Variants in MARCHF1 observed in about 807,000 individuals in gnomAD.
The protein encoded by MARCHF1 is membrane associated ring-CH-type finger 1, also known as E3 ubiquitin-protein ligase MARCHF1.
A neutral mutation model predicts 54.2 loss-of-function variants in MARCHF1; 40 were observed. The ratio of observed to expected loss-of-function variants is 0.74; its 90% confidence interval spans 0.57 to 0.96. The LOEUF is 0.96. Ranked by LOEUF, MARCHF1 falls within the 40% of genes least tolerant of loss-of-function variation. MARCHF1 has a pLI of 0.00. For synonymous variants in MARCHF1, 236 were observed against 236.3 expected, an observed-to-expected ratio of 1.00 and a Z score of 0.01; for missense variants, 586 against 656.5, an observed-to-expected ratio of 0.89 and a Z score of 1.17.
At chr4:163,726,551 A>G (rs1363955249) in intron 4 of MARCHF1, among the ~76,000 whole-genome samples, 1 of 152,198 alleles carries the variant, frequency 6.6e-6, no homozygotes, top group Non-Finnish European at 1.5e-5. Context: ...GCAGTTATGA[A>G]CAAAGCTGCT....
At chr4:164,145,239 A>G (rs1209851179) in intron 1 of MARCHF1, among the ~76,000 whole-genome samples, 3 of 152,206 alleles carry the variant, frequency 2.0e-5, no homozygotes, top group Non-Finnish European at 2.9e-5. Context: ...ATTTTACCAG[A>G]GGTAAAAGGA....
At chr4:163,791,076 A>G (rs1486505534) in intron 4 of MARCHF1, among the ~76,000 whole-genome samples, 3 of 152,112 alleles carry the variant, frequency 2.0e-5, no homozygotes, top group African/African-American at 4.8e-5. Context: ...GAATGTAAAA[A>G]CCATAGCACC....
At chr4:164,244,107 C>A (rs1732865165) in intron 1 of MARCHF1, among the ~76,000 whole-genome samples, 1 of 151,966 alleles carries the variant, frequency 6.6e-6, no homozygotes. Context: ...CCAAGCGGAC[C>A]TGATAGACAT....
chr4:164,158,154 G>C (rs1730127363), intron 1 of MARCHF1, among the ~76,000 whole-genome samples: 1 of 152,088 alleles, frequency 6.6e-6, no homozygotes, highest in Admixed American at 6.6e-5. Flanking sequence ...TGTTTAATCA[G>C]TGGCATACTT....
At chr4:163,971,188 C>G (rs927216046) in intron 3 of MARCHF1, among the ~76,000 whole-genome samples, 1 of 152,042 alleles carries the variant, frequency 6.6e-6, no homozygotes. Flanking sequence ...AGATAGTGAT[C>G]CATATTAATG....
chr4:163,782,447 G>C (rs1747491792), intron 4 of MARCHF1, among the ~76,000 whole-genome samples: 2 of 152,000 alleles, frequency 1.3e-5, no homozygotes, highest in Admixed American at 6.5e-5. Context: ...GAGGTGGGTG[G>C]ATCACTTGAG....
chr4:163,913,101 G>A (rs55817558), intron 3 of MARCHF1, among the ~76,000 whole-genome samples: 13,002 of 152,108 alleles, frequency 0.085, 1,278 homozygotes, highest in African/African-American at 0.23. Context: ...AAAGTGTAAG[G>A]CCTTTTTAAA....
intron 3 of MARCHF1, among the ~76,000 whole-genome samples, chr4:163,974,067 T>C (rs1221621817): frequency 6.6e-6 from 1 of 152,208 alleles, no homozygotes; most frequent in Non-Finnish European, 1.5e-5. Flanking sequence ...GTGCCCTAAA[T>C]TCCTGAGTTG....
At chr4:163,917,275 G>C (rs141281908) in intron 3 of MARCHF1, among the ~76,000 whole-genome samples, 94 of 152,246 alleles carry the variant, frequency 6.2e-4, no homozygotes, top group African/African-American at 2.2e-3. Context: ...GAAGCTTGAT[G>C]GTTTATTTTA....
intron 7 of MARCHF1, among the ~76,000 whole-genome samples, chr4:163,604,390 G>A (rs1741076579): frequency 6.6e-6 from 1 of 152,098 alleles, no homozygotes; most frequent in African/African-American, 2.4e-5. Context: ...AAACCTGAAA[G>A]CCGATTATAT....
At chr4:164,357,832 C>G (rs1730605236) in intron 1 of MARCHF1, among the ~76,000 whole-genome samples, 1 of 152,124 alleles carries the variant, frequency 6.6e-6, no homozygotes, top group South Asian at 2.1e-4. Context: ...GGTATTCAGT[C>G]TGTACAAAAT....
At chr4:163,649,731 A>T (rs1286522787) in intron 5 of MARCHF1, among the ~76,000 whole-genome samples, 1 of 151,272 alleles carries the variant, frequency 6.6e-6, no homozygotes, top group South Asian at 2.1e-4. Context: ...CTTCCATGAT[A>T]CCCTGTGGAG....
intron 5 of MARCHF1, among the ~76,000 whole-genome samples, chr4:163,671,488 T>C (rs1262093081): frequency 6.6e-6 from 1 of 152,236 alleles, no homozygotes; most frequent in Non-Finnish European, 1.5e-5. Flanking sequence ...GCAAGTGTTT[T>C]ACTAATTGCA....
intron 4 of MARCHF1, among the ~76,000 whole-genome samples, chr4:163,779,131 A>T (rs1007322242): frequency 6.6e-6 from 1 of 152,216 alleles, no homozygotes; most frequent in Non-Finnish European, 1.5e-5. Flanking sequence ...AATATGCTAC[A>T]TGGAGAGAAA....
intron 1 of MARCHF1, among the ~76,000 whole-genome samples, chr4:164,272,271 A>T (rs1168777736): frequency 1.3e-5 from 2 of 152,060 alleles, no homozygotes; most frequent in African/African-American, 4.8e-5. Flanking sequence ...CATTGCTAGT[A>T]TGTACTCAAG....
At chr4:164,334,050 A>G (rs1729656381) in intron 1 of MARCHF1, among the ~76,000 whole-genome samples, 1 of 152,218 alleles carries the variant, frequency 6.6e-6, no homozygotes. Context: ...AAAAGTTGGA[A>G]GCTAGCAGAG....
intron 1 of MARCHF1, among the ~76,000 whole-genome samples, chr4:164,119,545 A>C (rs17579188): frequency 0.43 from 65,310 of 151,248 alleles, 15,766 homozygotes; most frequent in Non-Finnish European, 0.53. Flanking sequence ...ATTGAGGTTA[A>C]AAATTTTAAA....
intron 3 of MARCHF1, among the ~76,000 whole-genome samples, chr4:163,917,953 C>T (rs1194861322): frequency 2.0e-5 from 3 of 152,090 alleles, no homozygotes; most frequent in Non-Finnish European, 4.4e-5. Flanking sequence ...GTGATTTCAT[C>T]ATGAAATCTT....
intron 1 of MARCHF1, among the ~76,000 whole-genome samples, chr4:164,268,717 T>A (rs148088549): frequency 6.6e-6 from 1 of 152,098 alleles, no homozygotes; most frequent in Non-Finnish European, 1.5e-5. Flanking sequence ...AAATTCTGAC[T>A]ACTATTAAAA....
Sources: allele counts gnomAD v4.1 joint callset (sites outside exome capture counted in the v4.1 genomes callset), GRCh38; gene constraint gnomAD v4.1.1; transcripts MANE v1.5; gene names NCBI Gene and HGNC (gene_info 2026-07-23, HGNC 2026-07-21).